The following PYROXD2 variants were observed in gnomAD, a reference collection of about 807,000 sequenced individuals.
PYROXD2 encodes the protein pyridine nucleotide-disulfide oxidoreductase domain-containing protein 2.
A neutral mutation model predicts 71.1 loss-of-function variants in PYROXD2; 69 were observed. That is an observed-to-expected ratio of 0.97 (90% CI 0.80 to 1.19). The LOEUF is 1.19. Ranked by LOEUF, PYROXD2 falls within the 50% of genes most tolerant of loss-of-function variation. The probability of loss-of-function intolerance (pLI) is 0.00; values close to 1 mark genes in which losing one functional copy is unlikely to be tolerated. For synonymous variants in PYROXD2, 287 were observed against 302.7 expected, an observed-to-expected ratio of 0.95 and a Z score of 0.54; for missense variants, 745 against 748.9, an observed-to-expected ratio of 0.99 and a Z score of 0.06.
chr10:98,402,890 A>C (rs1843464800), intron 4 of PYROXD2, among the ~76,000 whole-genome samples: 1 of 152,122 alleles, frequency 6.6e-6, no homozygotes, highest in Non-Finnish European at 1.5e-5. Context: ...GCGTGTAGAC[A>C]CAGTGTAGTT....
Position 98,391,954 on chromosome 10 carries a change from G to A in PYROXD2, c.1062+478C>T, listed in dbSNP as rs76365299. 5.2e-3 allele frequency among the ~76,000 whole-genome samples: 799 copies of A among 152,330 alleles called. 6 individuals carry two copies. Among genetic ancestry groups the A allele is most frequent in the African/African-American group, 0.018 (756 of 41,578 alleles). On this transcript the variant is annotated intron_variant, in intron 10 of 15. Coordinates refer to ENST00000370575, the MANE Select transcript of PYROXD2 (RefSeq NM_032709.3). The stretch of plus-strand genomic sequence containing the variant: ...GACCCACAGCCAACTGCAGACGCAT[G>A]AGCAAGCCTTAAGCAGCTGAAATCC...
intron 10 of PYROXD2, among the ~76,000 whole-genome samples, chr10:98,391,719 T>G (rs1209296187): frequency 1.3e-5 from 2 of 152,254 alleles, no homozygotes; most frequent in Admixed American, 1.3e-4. Context: ...AACCATGTGA[T>G]GCTTGCATGC....
At chr10:98,391,789 G>A (rs1157109734) in intron 10 of PYROXD2, among the ~76,000 whole-genome samples, 14 of 152,246 alleles carry the variant, frequency 9.2e-5, no homozygotes, top group Non-Finnish European at 1.8e-4. Flanking sequence ...CTGGACTACC[G>A]TGCTGGAGGA....
chr10:98,397,223 T>C (rs1241442438), intron 6 of PYROXD2, 122 bp downstream of exon 6: 2 of 1,332,222 alleles, frequency 1.5e-6, no homozygotes, highest in East Asian at 5.0e-5. Flanking sequence ...GATCGCAGCA[T>C]GTTAACTGAT....
chr10:98,391,395 G>A (rs1335744014), intron 10 of PYROXD2, among the ~76,000 whole-genome samples: 3 of 152,132 alleles, frequency 2.0e-5, no homozygotes, highest in Non-Finnish European at 4.4e-5. Context: ...AAGCCTCGAC[G>A]ATCTCAGAAT....
At position 98,387,303 on chromosome 10, in the gene PYROXD2, A is replaced by G. The variant is rs4345897; in HGVS notation, c.1452T>C (p.Phe484=). ...CAGGGGCATAGACCTCGATGCAATC[A>G]AACACTGGGGTGCCAAAAACAGAGA... ...QERDAYADRV[F]DCIEVYAPGF... Residue 484 remains phenylalanine, a synonymous_variant, in exon 14 of 16, where the codon TTT becomes TTC. Coordinates refer to ENST00000370575, the MANE Select transcript of PYROXD2 (RefSeq NM_032709.3). 0.38 allele frequency: 615,417 copies of G among 1,610,036 alleles called. 123,983 individuals are homozygous for G. Among genetic ancestry groups the G allele is most frequent in the African/African-American group, 0.6 (44,999 of 74,882 alleles).
chr10:98,389,443 T>G (rs1842872708), intron 12 of PYROXD2, among the ~76,000 whole-genome samples: 1 of 152,158 alleles, frequency 6.6e-6, no homozygotes, highest in African/African-American at 2.4e-5. Flanking sequence ...GTGTCCAGGT[T>G]GGTCTTTTTA....
Position 98,393,036 on chromosome 10 carries a change from C to T in PYROXD2, c.833G>A (p.Gly278Glu), listed in dbSNP as rs781047555. The stretch of plus-strand genomic sequence containing the variant: ...GCCCCCCTGGACGTAGCCCCAGGCC[C>T]CCTGCATTCCCTCCAGGCCCCCCAT... ...HVMGGLEGMQ[G>E]AWGYVQGGMG... The change falls in exon 9 of 16, where the codon GGG becomes GAG. Residue 278 changes from glycine (G) to glutamate (E), a missense_variant. Transcript: ENST00000370575. The T allele has an allele frequency of 6.2e-7, 1 of 1,604,196 alleles. No homozygotes were observed. Among genetic ancestry groups the T allele is most frequent in the South Asian group, 1.1e-5 (1 of 90,082 alleles).
chr10:98,400,049 C>A, intron 5 of PYROXD2, 53 bp downstream of exon 5: 1 of 1,588,824 alleles, frequency 6.3e-7, no homozygotes. Context: ...CAACCAGGCC[C>A]ATCTCTAGGC....
At chr10:98,391,875 A>G (rs543559619) in intron 10 of PYROXD2, among the ~76,000 whole-genome samples, 187 of 152,260 alleles carry the variant, frequency 1.2e-3, no homozygotes, top group African/African-American at 4.3e-3. Context: ...AGCCACCACC[A>G]GCCAGCTCCC....
chr10:98,385,605 G>A (rs1564789384), intron 14 of PYROXD2, among the ~76,000 whole-genome samples: 13 of 152,208 alleles, frequency 8.5e-5, no homozygotes. Context: ...TCAGGGGGCA[G>A]GTCTGGACAA....
At chr10:98,398,792 T>C (rs1026774877) in intron 5 of PYROXD2, among the ~76,000 whole-genome samples, 1 of 152,058 alleles carries the variant, frequency 6.6e-6, no homozygotes, top group Non-Finnish European at 1.5e-5. Context: ...CAGGTGGTGG[T>C]CTCCAATCTG....
chr10:98,401,257 AAAAAAAAAAC>A (rs1262336627), intron 4 of PYROXD2, among the ~76,000 whole-genome samples: 3 of 145,814 alleles, frequency 2.1e-5, no homozygotes, highest in Non-Finnish European at 4.5e-5. Context: ...CTGTCTCAAA[AAAAAAAAAAC>A]AAAAAAAAAC....
chr10:98,386,323 GAGGGAGGA>G (rs746837534), intron 14 of PYROXD2, among the ~76,000 whole-genome samples: 8,659 of 59,666 alleles, frequency 0.15, 756 homozygotes, highest in African/African-American at 0.44. Flanking sequence ...ACAAGGAAGG[GAGGGAGGA>G]AGGAAGGAAG....
intron 4 of PYROXD2, 45 bp from the exon 5 acceptor site, chr10:98,400,302 G>A: frequency 6.4e-7 from 1 of 1,550,918 alleles, no homozygotes; most frequent in Non-Finnish European, 8.8e-7. Flanking sequence ...TGGCTCTGTG[G>A]TCTCTGCCCA....
At chr10:98,395,079 C>T in intron 8 of PYROXD2, 117 bp downstream of exon 8, 1 of 867,934 alleles carries the variant, frequency 1.2e-6, no homozygotes, top group Non-Finnish European at 1.9e-6. Flanking sequence ...CGGTTCCTGG[C>T]TCACTGGGTG....
At chr10:98,403,520 C>T (rs1441219551) in intron 4 of PYROXD2, among the ~76,000 whole-genome samples, 1 of 152,202 alleles carries the variant, frequency 6.6e-6, no homozygotes, top group African/African-American at 2.4e-5. Flanking sequence ...CCTGCCCCTC[C>T]CACCCCCATC....
chr10:98,402,530 T>C (rs1393329523), intron 4 of PYROXD2, among the ~76,000 whole-genome samples: 1 of 152,250 alleles, frequency 6.6e-6, no homozygotes, highest in Non-Finnish European at 1.5e-5. Flanking sequence ...TGATTTGATT[T>C]ACAAATATTT....
chr10:98,396,511 C>A (rs1843187823), intron 6 of PYROXD2, among the ~76,000 whole-genome samples: 1 of 152,138 alleles, frequency 6.6e-6, no homozygotes. Flanking sequence ...GGTCTGTATA[C>A]CCTCAAGGAG....
Sources: gnomAD v4.1 joint callset for allele counts (sites outside exome capture counted in the v4.1 genomes callset) on GRCh38, gnomAD v4.1.1 for gene constraint, MANE v1.5 for transcripts, NCBI Gene and HGNC (gene_info 2026-07-23, HGNC 2026-07-21) for gene names.